The following GPR158 variants were observed in gnomAD, a reference collection of about 807,000 sequenced individuals.
The protein encoded by GPR158 is metabotropic glycine receptor.
Under a neutral mutation model 78.2 loss-of-function variants are expected in GPR158, and 30 were observed. The ratio of observed to expected loss-of-function variants is 0.38; its 90% CI spans 0.29 to 0.52. GPR158 has a LOEUF of 0.52. GPR158 is among the 20% of genes least tolerant of loss of function. The probability of loss-of-function intolerance (pLI) is 0.83; values close to 1 mark genes in which losing one functional copy is unlikely to be tolerated. For missense variants in GPR158, 1,463 were observed against 1,523.5 expected, an observed-to-expected ratio of 0.96 and a Z score of 0.66; for synonymous variants, 581 against 591.1, an observed-to-expected ratio of 0.98 and a Z score of 0.25.
chr10:25,255,041 C>T (rs888656800), intron 2 of GPR158, among the ~76,000 whole-genome samples: 6 of 152,102 alleles, frequency 3.9e-5, no homozygotes, highest in Non-Finnish European at 7.4e-5. Context: ...GTCTGGACTC[C>T]CTGCTATTCC....
At chr10:25,231,925 G>GT (rs950851928) in intron 2 of GPR158, among the ~76,000 whole-genome samples, 2 of 152,206 alleles carry the variant, frequency 1.3e-5, no homozygotes, top group African/African-American at 4.8e-5. Flanking sequence ...GTGAGGCTGA[G>GT]TTTGAAGGTG....
chr10:25,432,536 A>C (rs1318212559), intron 4 of GPR158, among the ~76,000 whole-genome samples: 3 of 152,244 alleles, frequency 2.0e-5, no homozygotes, highest in Non-Finnish European at 2.9e-5. Flanking sequence ...TTATATGTTC[A>C]AAATTGGGTT....
intron 5 of GPR158, among the ~76,000 whole-genome samples, chr10:25,517,186 G>A (rs1836189377): frequency 6.8e-6 from 1 of 146,546 alleles, no homozygotes. Context: ...TGTTGTTGGT[G>A]TATAAGAATG....
chr10:25,389,318 C>T (rs1382959478), intron 2 of GPR158, among the ~76,000 whole-genome samples: 1 of 152,092 alleles, frequency 6.6e-6, no homozygotes, highest in Non-Finnish European at 1.5e-5. Context: ...CTGCCCACCC[C>T]AGGGTCTCCT....
intron 2 of GPR158, among the ~76,000 whole-genome samples, chr10:25,387,516 ATTTTT>A (rs57404980): frequency 1.4e-5 from 2 of 140,486 alleles, no homozygotes; most frequent in Non-Finnish European, 1.5e-5. Flanking sequence ...TTCTCTTCAA[ATTTTT>A]TTTTTTTTTT....
intron 2 of GPR158, among the ~76,000 whole-genome samples, chr10:25,276,804 T>C (rs1189372254): frequency 6.6e-6 from 1 of 152,072 alleles, no homozygotes; most frequent in African/African-American, 2.4e-5. Context: ...TTCCAGAGAT[T>C]TTAAGTCAAG....
At chr10:25,315,380 T>C (rs58467596) in intron 2 of GPR158, among the ~76,000 whole-genome samples, 30,686 of 152,068 alleles carry the variant, frequency 0.2, 5,219 homozygotes, top group African/African-American at 0.47. Context: ...ATGTTTAATG[T>C]CTTTTTTGTT....
chr10:25,360,614 C>T (rs1855622289), intron 2 of GPR158, among the ~76,000 whole-genome samples: 1 of 151,964 alleles, frequency 6.6e-6, no homozygotes, highest in Non-Finnish European at 1.5e-5. Flanking sequence ...GTCTATATAT[C>T]TGTTTTGGCT....
chr10:25,425,234 C>T (rs1310400128), intron 4 of GPR158, among the ~76,000 whole-genome samples: 1 of 151,982 alleles, frequency 6.6e-6, no homozygotes. Context: ...GATTTTGTAT[C>T]CTGAGTTCTT....
Position 25,235,497 on chromosome 10 carries a change from C to T in GPR158, c.1008+14340C>T, listed in dbSNP as rs150155230. The stretch of plus-strand genomic sequence containing the variant: ...TTAGCTTGCTTGTACTTTTGCAATA[C>T]TATCTGTTTTCAGTTTTCTTCCTCT... On this transcript the variant is annotated intron_variant, in intron 2 of 10. Transcript: ENST00000376351. 3.2e-3 allele frequency among the ~76,000 whole-genome samples: 481 copies of T among 150,098 alleles called. 2 individuals carry two copies. The highest frequency in any genetic ancestry group is 0.011 in the African/African-American group (459 of 40,728).
At chr10:25,331,767 A>G (rs1855127655) in intron 2 of GPR158, among the ~76,000 whole-genome samples, 3 of 152,214 alleles carry the variant, frequency 2.0e-5, no homozygotes, top group African/African-American at 7.2e-5. Flanking sequence ...AGGGCATGAC[A>G]TTATTTGAGA....
intron 4 of GPR158, among the ~76,000 whole-genome samples, chr10:25,461,504 C>T (rs1238884130): frequency 6.6e-6 from 1 of 152,126 alleles, no homozygotes; most frequent in Non-Finnish European, 1.5e-5. Flanking sequence ...GAGGAAACTA[C>T]AGAAGAAAAG....
At chr10:25,573,573 AG>A (rs1837043774) in intron 7 of GPR158, among the ~76,000 whole-genome samples, 2 of 152,248 alleles carry the variant, frequency 1.3e-5, no homozygotes, top group Non-Finnish European at 2.9e-5. Flanking sequence ...GAAAACACAT[AG>A]GAATTTTTCT....
intron 2 of GPR158, among the ~76,000 whole-genome samples, chr10:25,354,726 C>A (rs1301078904): frequency 1.3e-5 from 2 of 152,036 alleles, no homozygotes; most frequent in Non-Finnish European, 2.9e-5. Flanking sequence ...CTCCCTTTAG[C>A]ATTTTCTGAA....
chr10:25,256,019 A>C (rs911588549), intron 2 of GPR158, among the ~76,000 whole-genome samples: 2 of 152,160 alleles, frequency 1.3e-5, no homozygotes, highest in African/African-American at 4.8e-5. Context: ...TTCTATTTTC[A>C]ACATTGGTTT....
chr10:25,359,968 A>G (rs1024001337), intron 2 of GPR158, among the ~76,000 whole-genome samples: 2 of 152,060 alleles, frequency 1.3e-5, no homozygotes, highest in Non-Finnish European at 2.9e-5. Context: ...CTGGCATGAG[A>G]TGGTATCTCA....
intron 1 of GPR158, among the ~76,000 whole-genome samples, chr10:25,196,316 T>A (rs1325629273): frequency 6.6e-6 from 1 of 152,148 alleles, no homozygotes; most frequent in East Asian, 1.9e-4. Flanking sequence ...TTAATGTTCA[T>A]GAACCCTTTT....
chr10:25,225,645 T>C (rs562841121), intron 2 of GPR158, among the ~76,000 whole-genome samples: 2 of 152,256 alleles, frequency 1.3e-5, no homozygotes, highest in South Asian at 4.2e-4. Flanking sequence ...CCAATTAAAG[T>C]CGTGTTTATT....
chr10:25,289,350 A>G (rs1382908359), intron 2 of GPR158, among the ~76,000 whole-genome samples: 1 of 152,242 alleles, frequency 6.6e-6, no homozygotes, highest in Non-Finnish European at 1.5e-5. Context: ...GACTCAGGAT[A>G]TTCACAGAGG....
Sources: gnomAD v4.1 joint callset for allele counts (sites outside exome capture counted in the v4.1 genomes callset) on GRCh38, gnomAD v4.1.1 for gene constraint, MANE v1.5 for transcripts, NCBI Gene and HGNC (gene_info 2026-07-23, HGNC 2026-07-21) for gene names.